Variants in CCDC88C observed in about 807,000 individuals in gnomAD.
The protein encoded by CCDC88C is coiled-coil and HOOK domain protein 88C.
CCDC88C carries 131 observed loss-of-function variants against 198.8 expected under a neutral mutation model. The observed-to-expected ratio is 0.66, with a 90% CI of 0.57 to 0.76. CCDC88C has a LOEUF of 0.76. Ranked by LOEUF, CCDC88C falls within the 30% of genes least tolerant of loss-of-function variation. The pLI is 0.00. For missense variants in CCDC88C, 2,553 were observed against 2,631.6 expected, an observed-to-expected ratio of 0.97 and a Z score of 0.65; for synonymous variants, 1,166 against 1,114.7, an observed-to-expected ratio of 1.05 and a Z score of -0.92.
chr14:91,326,089 G>C, intron 10 of CCDC88C, 33 bp from the exon 11 acceptor site: 1 of 1,593,316 alleles, frequency 6.3e-7, no homozygotes, highest in Non-Finnish European at 8.6e-7. Context: ...AGAACCATCA[G>C]ATAAAGGCAC....
chr14:91,352,920 G>C lies in CCDC88C; in HGVS notation c.340+6722C>G, dbSNP rs1893880637. Among the ~76,000 whole-genome samples, 1 of 152,176 alleles carries C rather than the reference G, an allele frequency of 6.6e-6. No individual in the cohort carries two copies. The stretch of plus-strand genomic sequence containing the variant: ...CAAGCCGGACTCTGAGCCTGTGCCT[G>C]GGTTGCCAGGATGGAGGTCAGTAAG... On this transcript the variant is annotated intron_variant, in intron 4 of 29. Transcript: ENST00000389857. This position sits in a 1 kb window ranked among gnomAD's most constrained non-coding sequence, Gnocchi z 4.2.
intron 3 of CCDC88C, among the ~76,000 whole-genome samples, chr14:91,378,429 C>T (rs1596133480): frequency 6.6e-6 from 1 of 152,212 alleles, no homozygotes. Context: ...CATGGCAGTC[C>T]TTGGCTCGGG....
chr14:91,409,062 C>T (rs1480875021), intron 2 of CCDC88C, among the ~76,000 whole-genome samples: 2 of 152,156 alleles, frequency 1.3e-5, no homozygotes, highest in Non-Finnish European at 2.9e-5. Context: ...CATATCAGTG[C>T]AGACCCCAAA....
Position 91,293,596 on chromosome 14 carries a change from T to TTCCTGCCCCCTCGCCTGCCAC in CCDC88C, c.4112+576_4112+577insGTGGCAGGCGAGGGGGCAGGA, listed in dbSNP as rs1567056076. Among the ~76,000 whole-genome samples, 20 of 19,852 alleles carry TTCCTGCCCCCTCGCCTGCCAC rather than the reference T, an allele frequency of 1.0e-3. 2 individuals carry two copies. The highest frequency in any genetic ancestry group is 3.6e-3 in the Admixed American group (7 of 1,940). The allele number at this position is 19,852 out of a possible 152,430, so 13.0% of individuals were successfully genotyped here. On this transcript the variant is annotated intron_variant, in intron 23 of 29. Transcript: ENST00000389857. Reference sequence around the variant, plus strand: ...CACCTTCCTGTCCCCTCGCCTGCCATGGCCCACCTCCTGTGGGCCTCCCCC... The same window carrying TTCCTGCCCCCTCGCCTGCCAC: ...CACCTTCCTGTCCCCTCGCCTGCCATTCCTGCCCCCTCGCCTGCCACGGCCCACCTCCTGTGGGCCTCCCCC...
At position 91,313,752 on chromosome 14, in the gene CCDC88C, C is replaced by T. The variant is rs777851448; in HGVS notation, c.2064G>A (p.Val688=). 5.5e-5 allele frequency: 88 copies of T among 1,608,344 alleles called. No homozygotes were observed. Among genetic ancestry groups the T allele is most frequent in the Non-Finnish European group, 7.3e-5 (86 of 1,179,762 alleles). Residue 688 remains valine, a synonymous_variant, in exon 15 of 30, where the codon GTG becomes GTA. Transcript: ENST00000389857. This position sits in a 1 kb window ranked among gnomAD's most constrained non-coding sequence, Gnocchi z 5.2. ...LRKSLDTLQN[V]SLQLEGLERD... is the part of the protein sequence containing the mutation. Reference sequence around the variant, plus strand: ...GCTCCAGGCCCTCAAGCTGCAGGGACACGTTCTGCAAGGTGTCCAGAGACT... The same window carrying T: ...GCTCCAGGCCCTCAAGCTGCAGGGATACGTTCTGCAAGGTGTCCAGAGACT...
Position 91,314,107 on chromosome 14 carries a change from A to G in CCDC88C, c.1709T>C (p.Met570Thr). The G allele has an allele frequency of 1.2e-6, 2 of 1,613,264 alleles. No homozygotes were observed. Among genetic ancestry groups the G allele is most frequent in the Non-Finnish European group, 1.7e-6 (2 of 1,179,746 alleles). The change falls in exon 15 of 30, where the codon ATG (methionine) becomes ACG (threonine). Residue 570 changes from methionine (M) to threonine (T), a missense_variant. By Grantham distance (81) the Met-to-Thr change is moderately conservative (BLOSUM62 -1). Around this residue, in one of 2 missense-constraint regions of CCDC88C, gnomAD observed 1,260 missense variants for 1,412.0 expected, o/e 0.89. Coordinates refer to ENST00000389857, the MANE Select transcript of CCDC88C (RefSeq NM_001080414.4). ...CTGCGACCTCTCCCGCAGCGACCAC[A>G]TGGCTCGGTTGAGGTGGTCCTTTTC... ...EQEKDHLNRA[M>T]WSLRERSQVS...
chr14:91,299,885 T>G (rs1407539899), intron 21 of CCDC88C, 42 bp downstream of exon 21: 1 of 1,538,670 alleles, frequency 6.5e-7, no homozygotes. Context: ...CTGAACAGAA[T>G]CTGGGGTGCT....
At chr14:91,378,089 C>A (rs1033433253) in intron 3 of CCDC88C, among the ~76,000 whole-genome samples, 1 of 152,172 alleles carries the variant, frequency 6.6e-6, no homozygotes, top group Non-Finnish European at 1.5e-5. Context: ...AGATTACCAG[C>A]TCATTAAAAG....
chr14:91,272,347 C>T lies in CCDC88C; in HGVS notation c.*278G>A, dbSNP rs982854067. ...TTTGGGGGAAGTCAGTTTGTCATTG[C>T]ATCCTAATTGGTCCCCATGCTGACG... On this transcript the variant is annotated 3_prime_UTR_variant, in exon 30 of 30. Coordinates refer to ENST00000389857, the MANE Select transcript of CCDC88C (RefSeq NM_001080414.4). 2.2e-6 allele frequency: 1 copy of T among 461,898 alleles called. No individual in the cohort carries two copies. The highest frequency in any genetic ancestry group is 4.0e-5 in the Admixed American group (1 of 24,726). The allele number at this position is 461,898 out of a possible 1,614,324, so 28.6% of individuals were successfully genotyped here.
intron 6 of CCDC88C, among the ~76,000 whole-genome samples, chr14:91,341,977 A>G (rs923755774): frequency 6.6e-6 from 1 of 152,224 alleles, no homozygotes; most frequent in African/African-American, 2.4e-5. Flanking sequence ...ACAGAAGCAG[A>G]GAATCTCTCT....
Position 91,308,357 on chromosome 14 carries a change from C to T in CCDC88C, c.3000G>A (p.Leu1000=), listed in dbSNP as rs369904425. 7.4e-6 allele frequency: 12 copies of T among 1,613,910 alleles called. No homozygotes were observed. The African/African-American group carries it at 1.5e-4, about 20-fold the overall frequency. The stretch of plus-strand genomic sequence containing the variant: ...GTGCAACCTCCACACTCACCATCTG[C>T]AGCTCACTCTCTAACTGGCGATTTA... ...ASLNRQLESE[L]QMLKKECETL... The change falls in exon 17 of 30, where the codon CTG becomes CTA. Residue 1000 remains leucine (L), a synonymous_variant. Transcript: ENST00000389857.
Position 91,314,011 on chromosome 14 carries a change from G to A in CCDC88C, c.1805C>T (p.Ala602Val). 1.2e-6 allele frequency: 2 copies of A among 1,613,818 alleles called. No homozygotes were observed. Among genetic ancestry groups the A allele is most frequent in the South Asian group, 1.1e-5 (1 of 91,068 alleles). The change falls in exon 15 of 30, where the codon GCC (alanine) becomes GTC (valine). Residue 602 changes from alanine to valine, a missense_variant. Around this residue, in one of 2 missense-constraint regions of CCDC88C, gnomAD observed 1,260 missense variants for 1,412.0 expected, o/e 0.89. Transcript: ENST00000389857. ...NKALHQTVTEANGKLSQLEFE... is the reference protein window; with the variant it reads ...NKALHQTVTEVNGKLSQLEFE... ...CTCCAACTGGCTGAGCTTGCCATTG[G>A]CCTCCGTCACCGTCTGGTGGAGGGC...
At chr14:91,298,484 T>C (rs1891121046) in intron 21 of CCDC88C, among the ~76,000 whole-genome samples, 1 of 150,528 alleles carries the variant, frequency 6.6e-6, no homozygotes, top group African/African-American at 2.5e-5. Flanking sequence ...CAGTGAGCCA[T>C]GATCATGTCA....
At chr14:91,386,998 T>A (rs538556209) in intron 3 of CCDC88C, among the ~76,000 whole-genome samples, 1 of 152,356 alleles carries the variant, frequency 6.6e-6, no homozygotes, top group Non-Finnish European at 1.5e-5. Context: ...ATTTTAAATA[T>A]ACTAACTTAT....
chr14:91,359,405 G>A (rs1440574229), intron 4 of CCDC88C, among the ~76,000 whole-genome samples: 1 of 152,108 alleles, frequency 6.6e-6, no homozygotes, highest in Non-Finnish European at 1.5e-5. Context: ...CCAAAGTGCT[G>A]GGATTACAGG....
intron 21 of CCDC88C, 147 bp downstream of exon 21, chr14:91,299,780 T>TAGAG: frequency 1.8e-6 from 2 of 1,137,330 alleles, no homozygotes; most frequent in Non-Finnish European, 1.2e-6. Context: ...GCCCTTTAGC[T>TAGAG]TATTTTACCC....
chr14:91,285,976 T>C, intron 25 of CCDC88C: 3 of 431,066 alleles, frequency 7.0e-6, no homozygotes, highest in East Asian at 1.4e-4. Context: ...CCAGGAAAGA[T>C]GAAAACAGTA....
intron 3 of CCDC88C, among the ~76,000 whole-genome samples, chr14:91,362,306 G>C (rs960760319): frequency 6.6e-6 from 1 of 151,724 alleles, no homozygotes; most frequent in African/African-American, 2.4e-5. Flanking sequence ...GTCATCACCA[G>C]CAAACCAGCC....
At chr14:91,380,959 G>GGAA (rs1884752671) in intron 3 of CCDC88C, among the ~76,000 whole-genome samples, 1 of 152,218 alleles carries the variant, frequency 6.6e-6, no homozygotes, top group Non-Finnish European at 1.5e-5. Context: ...CGGTAAGGGT[G>GGAA]TAATAGCATT....
Sources: gnomAD v4.1 joint callset for allele counts (sites outside exome capture counted in the v4.1 genomes callset) on GRCh38, gnomAD v4.1.1 for gene constraint, gnomAD v4.1.1 regional missense constraint, Gnocchi (gnomAD v3.1) non-coding constraint, MANE v1.5 for transcripts, NCBI Gene and HGNC (gene_info 2026-07-23, HGNC 2026-07-21) for gene names.